The following RIF1 variants were observed in gnomAD, a reference collection of about 807,000 sequenced individuals.
RIF1 encodes telomere-associated protein RIF1.
In RIF1, 45 loss-of-function variants were observed where a neutral mutation model predicts 247.1. That is an observed-to-expected ratio of 0.18 (90% CI 0.14 to 0.23). RIF1 has a LOEUF of 0.23. RIF1 is among the 10% of genes least tolerant of loss of function. RIF1 has a pLI of 1.00. For missense variants in RIF1, 2,967 were observed against 2,862.5 expected (o/e 1.04, Z -0.83); for synonymous variants, 1,087 against 978.8 (o/e 1.11, Z -2.06).
At position 151,493,966 on chromosome 2, in the gene RIF1, T is replaced by A. The variant is rs771647581; in HGVS notation, c.*416-1263T>A. 3.2e-6 allele frequency: 3 copies of A among 939,558 alleles called. No homozygotes were observed. The East Asian group carries it at 7.9e-5, about 25-fold the overall frequency. 58.2% of individuals were successfully genotyped at this position (939,558 alleles called of 1,614,324 possible). A position where few individuals can be genotyped will look rare whatever the true frequency, so the allele number is the denominator to read the frequency against. ...GGAAATGTTATGTTTAATCTATTAC[T>A]ATTAGTGAGAACACCTCTCAAGAAG... On this transcript the variant is annotated intron_variant and NMD_transcript_variant, in intron 9 of 13. Transcript: ENST00000454583.
intron 25 of RIF1, among the ~76,000 whole-genome samples, chr2:151,459,435 A>G (rs1695776641): frequency 6.6e-6 from 1 of 152,196 alleles, no homozygotes; most frequent in Non-Finnish European, 1.5e-5. Flanking sequence ...AGGAGCAGCT[A>G]GGGTATAGCT....
Position 151,446,412 on chromosome 2 carries a change from G to C in RIF1, c.2095-14G>C, listed in dbSNP as rs149289255. On this transcript the variant is annotated splice_polypyrimidine_tract_variant and intron_variant, in intron 19 of 35. Transcript: ENST00000444746. Reference sequence around the variant, plus strand: ...ATATATTAACAAAACTTCTTTTTTTGTTGTTATTGGTAGGCCACCATGAAG... The same window carrying C: ...ATATATTAACAAAACTTCTTTTTTTCTTGTTATTGGTAGGCCACCATGAAG... The C allele has an allele frequency of 1.2e-4, 188 of 1,606,876 alleles. 1 individual carries two copies. The East Asian group carries it at 3.1e-3, about 27-fold the overall frequency.
At chr2:151,457,118 A>G (rs560357139) in intron 23 of RIF1, among the ~76,000 whole-genome samples, 4 of 151,628 alleles carry the variant, frequency 2.6e-5, no homozygotes, top group Admixed American at 2.0e-4. Flanking sequence ...TAATACTTTA[A>G]ATTCATGTTA....
intron 21 of RIF1, 53 bp downstream of exon 21, chr2:151,451,758 G>T (rs1037968565): frequency 4.2e-6 from 4 of 951,260 alleles, no homozygotes; most frequent in Non-Finnish European, 5.1e-6. Flanking sequence ...AAGCAGTACT[G>T]AACTTTGCCA....
At chr2:151,522,404 G>A in the RIF1 span, among the ~76,000 whole-genome samples, 2 of 152,124 alleles carry the variant, frequency 1.3e-5, no homozygotes, top group Non-Finnish European at 2.9e-5. Context: ...GGTTTCTTTG[G>A]TTGAAGATGA....
Position 151,463,859 on chromosome 2 carries a change from G to C in RIF1, c.4339G>C (p.Glu1447Gln). ...TCAAAAAAAGGAACGACGTAAGGAA[G>C]AAGAAAAACCTCTTCAGAAGAGTCC... The part of the protein sequence containing the change: ...SHQKKERRKE[E>Q]EKPLQKSPLH... Residue 1447 changes from glutamate to glutamine, a missense_variant, in exon 30 of 36, where the codon GAA (glutamate) becomes CAA (glutamine). Coordinates refer to ENST00000444746, the MANE Select transcript of RIF1 (RefSeq NM_018151.5). 6.2e-7 allele frequency: 1 copy of C among 1,612,258 alleles called. No homozygotes were observed. Among genetic ancestry groups the C allele is most frequent in the Non-Finnish European group, 8.5e-7 (1 of 1,179,634 alleles).
chr2:151,520,224 A>C, the RIF1 span, among the ~76,000 whole-genome samples: 1 of 152,292 alleles, frequency 6.6e-6, no homozygotes, highest in East Asian at 1.9e-4. Context: ...AATTAGGAGA[A>C]TTTATTGTTA....
At chr2:151,498,429 G>A in intron 10 of RIF1, 1 of 1,021,370 alleles carries the variant, frequency 9.8e-7, no homozygotes, top group South Asian at 1.6e-5. Flanking sequence ...GCAGTTGGGA[G>A]TGGGAAGGGA....
chr2:151,506,780 A>C, intron 13 of RIF1: 1 of 655,362 alleles, frequency 1.5e-6, no homozygotes, highest in Non-Finnish European at 2.6e-6. Flanking sequence ...GGATTTTAGC[A>C]AATCACTGCT....
chr2:151,511,894 C>T (rs1218086074), downstream of RIF1, among the ~76,000 whole-genome samples: 1 of 151,966 alleles, frequency 6.6e-6, no homozygotes, highest in Non-Finnish European at 1.5e-5. Flanking sequence ...TTTAAAGCCA[C>T]ATCATAAGAG....
At chr2:151,493,416 T>TG in intron 9 of RIF1, 1 of 1,607,772 alleles carries the variant, frequency 6.2e-7, no homozygotes, top group Non-Finnish European at 8.5e-7. Flanking sequence ...GTGTCGGAGT[T>TG]GCTTTTCTCA....
the RIF1 span, among the ~76,000 whole-genome samples, chr2:151,531,566 C>T: frequency 1.3e-5 from 2 of 152,182 alleles, no homozygotes; most frequent in South Asian, 2.1e-4. Context: ...ATCCACCTGC[C>T]TTGGCTTCCC....
the RIF1 span, chr2:151,518,842 G>A: frequency 1.5e-6 from 1 of 656,276 alleles, no homozygotes; most frequent in Non-Finnish European, 2.7e-6. Context: ...ACACTCAAAT[G>A]AGAACAGTTT....
chr2:151,428,467 G>A (rs1689498811), intron 8 of RIF1, among the ~76,000 whole-genome samples: 1 of 151,980 alleles, frequency 6.6e-6, no homozygotes, highest in African/African-American at 2.4e-5. Flanking sequence ...GATAAAGTTT[G>A]GGATTTATCT....
intron 8 of RIF1, among the ~76,000 whole-genome samples, chr2:151,426,168 A>ATTTTTTTTTTTTTTTTTTTT (rs35001554): frequency 1.2e-4 from 7 of 58,208 alleles, no homozygotes; most frequent in East Asian, 6.8e-4. Flanking sequence ...TTGGCTTTTA[A>ATTTTTTTTTTTTTTTTTTTT]TTTTTTTTTT....
chr2:151,485,900 C>T, downstream of RIF1: 1 of 1,613,960 alleles, frequency 6.2e-7, no homozygotes, highest in Non-Finnish European at 8.5e-7. Flanking sequence ...TCTGCATCAG[C>T]AGCCATATAG....
At chr2:151,450,804 G>A (rs933458469) in intron 20 of RIF1, among the ~76,000 whole-genome samples, 4 of 152,018 alleles carry the variant, frequency 2.6e-5, no homozygotes, top group South Asian at 2.1e-4. Context: ...GGCTGGTCTC[G>A]AACTCCAGAC....
chr2:151,437,438 C>A, intron 13 of RIF1, 87 bp downstream of exon 13: 2 of 1,031,360 alleles, frequency 1.9e-6, no homozygotes, highest in East Asian at 2.4e-5. Context: ...CACCTGTAAT[C>A]CCAGCACTTT....
At chr2:151,453,958 A>G (rs1170771450) in intron 21 of RIF1, among the ~76,000 whole-genome samples, 3 of 152,100 alleles carry the variant, frequency 2.0e-5, no homozygotes, top group East Asian at 1.9e-4. Context: ...ATTACCCTCA[A>G]TGTATTTACA....
Sources: allele counts gnomAD v4.1 joint callset (sites outside exome capture counted in the v4.1 genomes callset), GRCh38; gene constraint gnomAD v4.1.1; transcripts MANE v1.5; gene names NCBI Gene and HGNC (gene_info 2026-07-23, HGNC 2026-07-21).